The following GALNTL6 variants were observed in gnomAD, a reference collection of about 807,000 sequenced individuals.
GALNTL6 encodes polypeptide N-acetylgalactosaminyltransferase like 6.
GALNTL6 carries 46 observed loss-of-function variants against 73.7 expected under a neutral mutation model. The observed-to-expected ratio is 0.62, with a 90% CI of 0.49 to 0.80. The LOEUF is 0.80. Among genes scored for constraint, GALNTL6 ranks in the 30% least tolerant of loss-of-function variants. The pLI is 0.00. For missense variants in GALNTL6, 604 were observed against 755.0 expected, an observed-to-expected ratio of 0.80 and a Z score of 2.34; for synonymous variants, 259 against 263.7, an observed-to-expected ratio of 0.98 and a Z score of 0.17.
At chr4:172,186,657 A>G (rs1297685997) in intron 2 of GALNTL6, among the ~76,000 whole-genome samples, 1 of 152,078 alleles carries the variant, frequency 6.6e-6, no homozygotes, top group Non-Finnish European at 1.5e-5. Context: ...ACATTTTGCT[A>G]GGTCATAGAA....
At chr4:171,937,234 T>A (rs1738377343) in intron 2 of GALNTL6, among the ~76,000 whole-genome samples, 3 of 152,132 alleles carry the variant, frequency 2.0e-5, no homozygotes, top group Middle Eastern at 3.2e-3. Flanking sequence ...ATGAGTGCGA[T>A]GAAATGACAT....
At chr4:172,007,536 T>C (rs767692055) in intron 2 of GALNTL6, among the ~76,000 whole-genome samples, 8 of 152,132 alleles carry the variant, frequency 5.3e-5, no homozygotes, top group East Asian at 1.9e-4. Context: ...CAAATGAATA[T>C]ACAACAATAT....
At chr4:171,982,876 CAGAT>C (rs1739947602) in intron 2 of GALNTL6, among the ~76,000 whole-genome samples, 1 of 152,184 alleles carries the variant, frequency 6.6e-6, no homozygotes, top group Non-Finnish European at 1.5e-5. Context: ...TTTTGGTTCA[CAGAT>C]AGCTGTAATT....
Position 172,156,543 on chromosome 4 carries a change from AT to A in GALNTL6, c.139-73112del, listed in dbSNP as rs1560945564. On this transcript the variant is annotated intron_variant, in intron 2 of 12. Coordinates refer to ENST00000506823, the MANE Select transcript of GALNTL6 (RefSeq NM_001034845.3). ...CTTTAAATATACATATATATATAAT[AT>A]ATATATATATATATATATATATACA... 1.1e-3 allele frequency among the ~76,000 whole-genome samples: 21 copies of A among 19,358 alleles called. No homozygotes were observed. In the South Asian group the frequency reaches 0.038, roughly 35 times the overall value. The allele number at this position is 19,358 out of a possible 152,430, so 12.7% of individuals were successfully genotyped here.
chr4:172,451,935 C>T (rs568319882), intron 5 of GALNTL6, among the ~76,000 whole-genome samples: 6 of 152,106 alleles, frequency 3.9e-5, no homozygotes, highest in South Asian at 4.2e-4. Context: ...CTTCTGAGCC[C>T]GGGAAGTTGA....
intron 10 of GALNTL6, among the ~76,000 whole-genome samples, chr4:172,962,022 T>G (rs1750081147): frequency 1.3e-5 from 2 of 152,176 alleles, no homozygotes; most frequent in Admixed American, 6.5e-5. Flanking sequence ...GATGGGGTGG[T>G]GCCATTTTAT....
At chr4:171,926,939 T>C (rs1481042991) in intron 2 of GALNTL6, among the ~76,000 whole-genome samples, 1 of 152,116 alleles carries the variant, frequency 6.6e-6, no homozygotes, top group East Asian at 1.9e-4. Context: ...ATGTTTTTAA[T>C]CCGCCCTTAA....
intron 5 of GALNTL6, among the ~76,000 whole-genome samples, chr4:172,522,863 A>G (rs183165845): frequency 6.5e-4 from 99 of 152,208 alleles, no homozygotes; most frequent in African/African-American, 2.0e-3. Flanking sequence ...TCTGTGTGCA[A>G]CTGAGTAATT....
At chr4:172,543,373 C>T (rs1313420421) in intron 5 of GALNTL6, among the ~76,000 whole-genome samples, 1 of 152,166 alleles carries the variant, frequency 6.6e-6, no homozygotes, top group Non-Finnish European at 1.5e-5. Context: ...GTAAACTTTT[C>T]ATTGTTTCTG....
intron 5 of GALNTL6, among the ~76,000 whole-genome samples, chr4:172,622,606 A>C (rs1346604928): frequency 3.3e-5 from 5 of 152,194 alleles, no homozygotes. Flanking sequence ...CTTTTCCAGA[A>C]ATCTGCTAGA....
intron 7 of GALNTL6, among the ~76,000 whole-genome samples, chr4:172,842,485 G>A (rs1259400699): frequency 6.6e-6 from 1 of 152,102 alleles, no homozygotes; most frequent in African/African-American, 2.4e-5. Context: ...AAGCCCAAGT[G>A]CTATGAATGC....
At chr4:171,970,840 C>A (rs1272567969) in intron 2 of GALNTL6, among the ~76,000 whole-genome samples, 1 of 152,028 alleles carries the variant, frequency 6.6e-6, no homozygotes, top group Admixed American at 6.6e-5. Flanking sequence ...TACAAAATAA[C>A]TTATTTTAAA....
At chr4:172,339,562 G>C (rs1741485489) in intron 4 of GALNTL6, among the ~76,000 whole-genome samples, 1 of 152,120 alleles carries the variant, frequency 6.6e-6, no homozygotes, top group Non-Finnish European at 1.5e-5. Flanking sequence ...GCCGAAGAGT[G>C]ACTGACTCTG....
intron 5 of GALNTL6, among the ~76,000 whole-genome samples, chr4:172,731,852 G>C (rs990066802): frequency 6.6e-6 from 1 of 151,840 alleles, no homozygotes; most frequent in Non-Finnish European, 1.5e-5. Flanking sequence ...AATTTTCCAG[G>C]GTTCATCTTG....
intron 2 of GALNTL6, among the ~76,000 whole-genome samples, chr4:172,142,144 T>C (rs1036773032): frequency 3.3e-5 from 5 of 152,040 alleles, no homozygotes; most frequent in African/African-American, 1.2e-4. Flanking sequence ...ATAAATATTG[T>C]AATATGAAAT....
At chr4:171,929,034 T>C (rs1738084068) in intron 2 of GALNTL6, among the ~76,000 whole-genome samples, 1 of 152,164 alleles carries the variant, frequency 6.6e-6, no homozygotes, top group Admixed American at 6.5e-5. Context: ...AAATTTACTA[T>C]CACAGAATAT....
chr4:172,326,401 C>T (rs1327893994), intron 4 of GALNTL6, among the ~76,000 whole-genome samples: 3 of 151,906 alleles, frequency 2.0e-5, no homozygotes, highest in Admixed American at 6.6e-5. Context: ...GGTGCATAAA[C>T]ATTTTGGATT....
chr4:172,254,094 T>C (rs1163010986), intron 3 of GALNTL6, among the ~76,000 whole-genome samples: 1 of 151,818 alleles, frequency 6.6e-6, no homozygotes, highest in African/African-American at 2.4e-5. Context: ...CTACTACTGA[T>C]AGTGTAGAGT....
chr4:172,912,930 T>C (rs1333207948), intron 8 of GALNTL6, among the ~76,000 whole-genome samples: 3 of 152,326 alleles, frequency 2.0e-5, no homozygotes, highest in African/African-American at 7.2e-5. Context: ...AGTGGGCCTC[T>C]GATCCCTGAG....
Sources: allele counts gnomAD v4.1 joint callset (sites outside exome capture counted in the v4.1 genomes callset), GRCh38; gene constraint gnomAD v4.1.1; transcripts MANE v1.5; gene names NCBI Gene and HGNC (gene_info 2026-07-23, HGNC 2026-07-21).